The following COL24A1 variants were observed in gnomAD, a reference collection of about 807,000 sequenced individuals.
COL24A1 encodes collagen type XXIV alpha 1 chain.
In COL24A1, 224 loss-of-function variants were observed where a neutral mutation model predicts 253.9. The observed-to-expected ratio is 0.88, with a 90% CI of 0.79 to 0.99. COL24A1 has a LOEUF of 0.99. Ranked by LOEUF, COL24A1 falls within the 50% of genes least tolerant of loss-of-function variation. The pLI, the probability that COL24A1 is intolerant of heterozygous loss-of-function variation, is 0.00. For synonymous variants in COL24A1, 685 were observed against 673.7 expected (o/e 1.02, Z -0.26); for missense variants, 2,131 against 2,068.5 (o/e 1.03, Z -0.59).
intron 19 of COL24A1, among the ~76,000 whole-genome samples, chr1:85,998,294 T>C (rs1695055053): frequency 6.6e-6 from 1 of 152,214 alleles, no homozygotes. Context: ...AACACCCATG[T>C]ACTCCATGCC....
intron 1 of COL24A1, chr1:86,154,923 C>G (rs1262579370): frequency 6.6e-6 from 1 of 152,322 alleles, no homozygotes; most frequent in East Asian, 1.9e-4. Flanking sequence ...CTGTCAGTTC[C>G]GCAGGATCGG....
At chr1:86,008,923 A>G (rs1389593862) in intron 19 of COL24A1, among the ~76,000 whole-genome samples, 1 of 151,844 alleles carries the variant, frequency 6.6e-6, no homozygotes, top group Non-Finnish European at 1.5e-5. Flanking sequence ...TAAGAAAAAA[A>G]TTTAACAAAA....
intron 42 of COL24A1, among the ~76,000 whole-genome samples, chr1:85,840,834 A>G (rs894661930): frequency 2.0e-5 from 3 of 152,100 alleles, no homozygotes; most frequent in Non-Finnish European, 4.4e-5. Flanking sequence ...AAACTGCTAT[A>G]AGAAGTATAT....
chr1:86,135,581 A>G (rs1424359774), intron 2 of COL24A1, among the ~76,000 whole-genome samples: 5 of 151,964 alleles, frequency 3.3e-5, no homozygotes, highest in African/African-American at 1.2e-4. Flanking sequence ...TGTTTCCTAC[A>G]AAGTATAACT....
intron 19 of COL24A1, among the ~76,000 whole-genome samples, chr1:86,004,454 T>G (rs1486120766): frequency 6.6e-6 from 1 of 152,152 alleles, no homozygotes; most frequent in Non-Finnish European, 1.5e-5. Context: ...TCTAGAAGCA[T>G]CCAGCCTCAC....
At position 85,833,820 on chromosome 1, in the gene COL24A1, C is replaced by T. The variant is rs1049970486; in HGVS notation, c.3681+4765G>A. Among the ~76,000 whole-genome samples the T allele has an allele frequency of 1.2e-4, 18 of 152,138 alleles. 1 individual carries two copies. Among genetic ancestry groups the T allele is most frequent in the Admixed American group, 4.6e-4 (7 of 15,280 alleles). On this transcript the variant is annotated intron_variant, in intron 43 of 59. Coordinates refer to ENST00000370571, the MANE Select transcript of COL24A1 (RefSeq NM_152890.7). ...GATGAGTTCATGTCCTTTGTAGGGA[C>T]ATGGATGAAACTGGAAACCATCATT...
chr1:86,059,608 T>G (rs568833871), intron 8 of COL24A1, among the ~76,000 whole-genome samples: 1 of 152,210 alleles, frequency 6.6e-6, no homozygotes, highest in South Asian at 2.1e-4. Context: ...TCTACTTCTT[T>G]CCTAAAGTAA....
chr1:85,944,119 A>G (rs576688064), intron 24 of COL24A1, among the ~76,000 whole-genome samples: 16 of 152,338 alleles, frequency 1.1e-4, no homozygotes, highest in African/African-American at 3.4e-4. Flanking sequence ...GGCTATGTGC[A>G]TATGTAGTAG....
intron 2 of COL24A1, among the ~76,000 whole-genome samples, chr1:86,137,110 A>C (rs1004400599): frequency 6.6e-6 from 1 of 152,092 alleles, no homozygotes; most frequent in Non-Finnish European, 1.5e-5. Flanking sequence ...TAGGGGTTGA[A>C]TTTAGATATT....
intron 6 of COL24A1, among the ~76,000 whole-genome samples, chr1:86,091,412 G>T (rs1322961595): frequency 6.6e-6 from 1 of 151,794 alleles, no homozygotes; most frequent in East Asian, 1.9e-4. Context: ...CAAACTTTAT[G>T]ATAGTTTCTG....
intron 55 of COL24A1, among the ~76,000 whole-genome samples, chr1:85,745,861 T>C (rs1665155505): frequency 1.3e-5 from 2 of 152,210 alleles, no homozygotes; most frequent in South Asian, 4.1e-4. Flanking sequence ...AAGTGAAGAA[T>C]AAATAACTGT....
At chr1:85,991,475 C>T (rs1694264615) in intron 19 of COL24A1, among the ~76,000 whole-genome samples, 1 of 152,150 alleles carries the variant, frequency 6.6e-6, no homozygotes, top group South Asian at 2.1e-4. Flanking sequence ...TCATGGGGCA[C>T]ATAATGGCTT....
intron 47 of COL24A1, among the ~76,000 whole-genome samples, chr1:85,814,645 A>G (rs1672885141): frequency 6.6e-6 from 1 of 152,200 alleles, no homozygotes; most frequent in Non-Finnish European, 1.5e-5. Context: ...TCAAGAGAAA[A>G]TGGTCCATAA....
At chr1:86,154,356 G>C (rs1043432439) in intron 1 of COL24A1, 10 of 152,374 alleles carry the variant, frequency 6.6e-5, no homozygotes, top group African/African-American at 1.9e-4. Context: ...CCCATCCCCA[G>C]TGGCCCCTGT....
At chr1:85,828,906 G>T (rs1162156518) in intron 43 of COL24A1, among the ~76,000 whole-genome samples, 1 of 149,052 alleles carries the variant, frequency 6.7e-6, no homozygotes, top group Non-Finnish European at 1.5e-5. Flanking sequence ...TTTAATTGGA[G>T]CATTTAGTCC....
intron 12 of COL24A1, among the ~76,000 whole-genome samples, chr1:86,041,824 TAAAGG>T (rs1283093025): frequency 6.6e-6 from 1 of 152,062 alleles, no homozygotes; most frequent in Non-Finnish European, 1.5e-5. Context: ...TCCTGACCAA[TAAAGG>T]TTGTCCACTG....
intron 52 of COL24A1, among the ~76,000 whole-genome samples, chr1:85,776,054 C>G (rs970122245): frequency 2.6e-5 from 4 of 152,154 alleles, no homozygotes; most frequent in Non-Finnish European, 5.9e-5. Context: ...TTAAATTCTT[C>G]TAATAATTGT....
intron 37 of COL24A1, among the ~76,000 whole-genome samples, chr1:85,857,818 C>T (rs1422006026): frequency 2.0e-5 from 3 of 152,162 alleles, no homozygotes; most frequent in Admixed American, 6.5e-5. Flanking sequence ...TCCCCCGCAA[C>T]CCCAATGCAT....
At chr1:85,921,938 G>T (rs1428239895) in intron 24 of COL24A1, among the ~76,000 whole-genome samples, 2 of 152,138 alleles carry the variant, frequency 1.3e-5, no homozygotes, top group Non-Finnish European at 2.9e-5. Flanking sequence ...TAGATGAATG[G>T]CCAACTAGAA....
Sources: gnomAD v4.1 joint callset for allele counts (sites outside exome capture counted in the v4.1 genomes callset) on GRCh38, gnomAD v4.1.1 for gene constraint, MANE v1.5 for transcripts, NCBI Gene and HGNC (gene_info 2026-07-23, HGNC 2026-07-21) for gene names.